ELOVL7: variants seen among roughly 807,000 people sequenced by gnomAD.
ELOVL7 encodes the protein very long chain fatty acid elongase 7.
A neutral mutation model predicts 35.7 loss-of-function variants in ELOVL7; 27 were observed. That is an observed-to-expected ratio of 0.76 (90% confidence interval 0.56 to 1.04). ELOVL7 has a LOEUF of 1.04. Among genes scored for constraint, ELOVL7 ranks in the 50% least tolerant of loss-of-function variants. The pLI is 0.00. For missense variants in ELOVL7, 327 were observed against 340.8 expected (o/e 0.96, Z 0.32); for synonymous variants, 113 against 114.6 (o/e 0.99, Z 0.09).
Position 60,836,436 on chromosome 5 carries a change from C to G in ELOVL7, c.-86+7724G>C, listed in dbSNP as rs544714520. 2.6e-5 allele frequency among the ~76,000 whole-genome samples: 4 copies of G among 152,154 alleles called. No homozygotes were observed. In the South Asian group the frequency reaches 8.3e-4, roughly 32 times the overall value. The stretch of plus-strand genomic sequence containing the variant: ...AGGATGAAGCTATCAGCTGTGCTTT[C>G]TAGCTAACTGAATGATAAGCAGCAA... On this transcript the variant is annotated intron_variant, in intron 1 of 8. Coordinates refer to ENST00000508821, the MANE Select transcript of ELOVL7 (RefSeq NM_024930.3).
chr5:60,752,965 T>G lies in ELOVL7; in HGVS notation c.*1659A>C, dbSNP rs576598701. The G allele has an allele frequency of 5.3e-5, 8 of 151,548 alleles. No individual in the cohort carries two copies. In the South Asian group the frequency reaches 1.2e-3, roughly 24 times the overall value. The allele number at this position is 151,548 out of a possible 1,614,324, so 9.4% of individuals were successfully genotyped here. On this transcript the variant is annotated 3_prime_UTR_variant, in exon 9 of 9. Coordinates refer to ENST00000508821, the MANE Select transcript of ELOVL7 (RefSeq NM_024930.3). ...CTTCAGAAAAAAAAATAATAAATTATATATATATATGTAATTACTCCCATT... is the reference window on the plus strand; with the variant it reads ...CTTCAGAAAAAAAAATAATAAATTAGATATATATATGTAATTACTCCCATT...
At chr5:60,837,205 G>A (rs1161661368) in intron 1 of ELOVL7, among the ~76,000 whole-genome samples, 3 of 149,284 alleles carry the variant, frequency 2.0e-5, no homozygotes, top group East Asian at 2.0e-4. Context: ...AGGCTGAGGC[G>A]GGCAGATCAC....
chr5:60,822,044 G>A (rs1464134725), intron 1 of ELOVL7, among the ~76,000 whole-genome samples: 1 of 152,240 alleles, frequency 6.6e-6, no homozygotes, highest in East Asian at 1.9e-4. Flanking sequence ...TTTTGGGAAT[G>A]TTGTTTGCTG....
At position 60,754,755 on chromosome 5, in the gene ELOVL7, CA is replaced by C; in HGVS notation, c.714del (p.Phe238LeufsTer6). On this transcript the variant is annotated frameshift_variant, in exon 9 of 9. Coordinates refer to ENST00000508821, the MANE Select transcript of ELOVL7 (RefSeq NM_024930.3). LOFTEE classifies it high-confidence loss of function. Reference protein sequence around the residue: ...MEDCKYQFPVFACIIMSYSFM... With the variant: ...MEDCKYQFPVXACIIMSYSFM... The stretch of plus-strand genomic sequence containing the variant: ...AAACTGTAACTCATAATGATGCACG[CA>C]AAGACTGGAAACTGATACTTGCAAT... 1 of 1,614,006 alleles carries C rather than the reference CA, an allele frequency of 6.2e-7. No individual in the cohort carries two copies. Among genetic ancestry groups the C allele is most frequent in the Non-Finnish European group, 8.5e-7 (1 of 1,180,000 alleles).
chr5:60,755,052 C>T (rs1054985096), intron 8 of ELOVL7, among the ~76,000 whole-genome samples: 10 of 152,058 alleles, frequency 6.6e-5, no homozygotes, highest in African/African-American at 1.9e-4. Context: ...ATTGCACAAC[C>T]GCAGGGTCTA....
At chr5:60,768,606 A>G in intron 4 of ELOVL7, 1 of 441,906 alleles carries the variant, frequency 2.3e-6, no homozygotes, top group South Asian at 1.6e-5. Context: ...TTGTTGATAA[A>G]TCTGAAGTGT....
chr5:60,754,950 C>T (rs1741448679), intron 8 of ELOVL7, 117 bp from the exon 9 acceptor site: 3 of 801,382 alleles, frequency 3.7e-6, no homozygotes, highest in Non-Finnish European at 3.9e-6. Flanking sequence ...CAAAGAAGTC[C>T]ATCTTTAAAT....
intron 3 of ELOVL7, among the ~76,000 whole-genome samples, chr5:60,774,767 T>C (rs1217046142): frequency 6.7e-6 from 1 of 149,846 alleles, no homozygotes; most frequent in African/African-American, 2.4e-5. Context: ...AAACTCTCTT[T>C]TTTTTTTTTT....
rs1043456703 is a variant in ELOVL7, at chr5:60,752,142, C to G, written c.*2482G>C. On this transcript the variant is annotated 3_prime_UTR_variant, in exon 9 of 9. Transcript: ENST00000508821. ...AGTGGGATGAAATCCCAAAGGAACT[C>G]TATGTGACCACACAGAACTCTTTTA... is the stretch of plus-strand genomic sequence containing the variant. 1.3e-5 allele frequency: 2 copies of G among 152,164 alleles called. No individual in the cohort carries two copies. Among genetic ancestry groups the G allele is most frequent in the African/African-American group, 4.8e-5 (2 of 41,438 alleles). The allele number at this position is 152,164 out of a possible 1,614,324, so 9.4% of individuals were successfully genotyped here. A position where few individuals can be genotyped will look rare whatever the true frequency, so the allele number is the denominator to read the frequency against.
At chr5:60,831,617 G>A (rs779863407) in intron 1 of ELOVL7, among the ~76,000 whole-genome samples, 14 of 152,246 alleles carry the variant, frequency 9.2e-5, no homozygotes, top group Non-Finnish European at 1.5e-4. Flanking sequence ...TCCACAATTC[G>A]TGAGTTATCA....
At chr5:60,784,598 T>C (rs1423031082) in intron 3 of ELOVL7, among the ~76,000 whole-genome samples, 2 of 152,178 alleles carry the variant, frequency 1.3e-5, no homozygotes, top group African/African-American at 4.8e-5. Context: ...TAAGTTTCCT[T>C]ACGCTACTCA....
chr5:60,829,424 A>C (rs1037920366), intron 1 of ELOVL7, among the ~76,000 whole-genome samples: 1 of 152,198 alleles, frequency 6.6e-6, no homozygotes, highest in Non-Finnish European at 1.5e-5. Flanking sequence ...ATATATTATT[A>C]ATATAGTCAA....
At chr5:60,827,056 A>G (rs564610427) in intron 1 of ELOVL7, among the ~76,000 whole-genome samples, 114 of 152,318 alleles carry the variant, frequency 7.5e-4, no homozygotes, top group African/African-American at 2.6e-3. Flanking sequence ...CATGTCTGCA[A>G]AAAACATCTC....
At chr5:60,782,398 A>C (rs1743309782) in intron 3 of ELOVL7, among the ~76,000 whole-genome samples, 1 of 152,204 alleles carries the variant, frequency 6.6e-6, no homozygotes, top group Non-Finnish European at 1.5e-5. Context: ...TCACTTCCAG[A>C]TATATATCCA....
chr5:60,761,956 C>T (rs147419589), intron 7 of ELOVL7, among the ~76,000 whole-genome samples: 6 of 151,958 alleles, frequency 3.9e-5, no homozygotes, highest in East Asian at 1.9e-4. Flanking sequence ...GAAGGGGGCT[C>T]GGTTAGTTTC....
At chr5:60,807,556 T>G (rs1439737649) in intron 1 of ELOVL7, among the ~76,000 whole-genome samples, 1 of 149,910 alleles carries the variant, frequency 6.7e-6, no homozygotes, top group Admixed American at 6.6e-5. Context: ...CTAGAAAACT[T>G]TACAAATAAA....
At chr5:60,834,456 T>C (rs1445423134) in intron 1 of ELOVL7, among the ~76,000 whole-genome samples, 2 of 152,200 alleles carry the variant, frequency 1.3e-5, no homozygotes, top group Non-Finnish European at 1.5e-5. Flanking sequence ...GTTCACATTA[T>C]TAAAATAAAC....
intron 2 of ELOVL7, among the ~76,000 whole-genome samples, chr5:60,793,188 G>A (rs1243006718): frequency 1.3e-5 from 2 of 152,214 alleles, no homozygotes; most frequent in African/African-American, 4.8e-5. Flanking sequence ...TCTCAATGCA[G>A]TAGTTAAAGA....
At position 60,791,665 on chromosome 5, in the gene ELOVL7, G is replaced by A. The variant is rs547914145; in HGVS notation, c.-34-4234C>T. Among the ~76,000 whole-genome samples, 3 of 152,250 alleles carry A rather than the reference G, an allele frequency of 2.0e-5. No individual in the cohort carries two copies. In the East Asian group the frequency reaches 5.8e-4, roughly 29 times the overall value. Reference sequence around the variant, plus strand: ...TTACTTTAAGAGCTAGCATATAACAGATTGTATGATTCTTCCCTTTATGTC... The same window carrying A: ...TTACTTTAAGAGCTAGCATATAACAAATTGTATGATTCTTCCCTTTATGTC... On this transcript the variant is annotated intron_variant, in intron 2 of 8. Transcript: ENST00000508821.
Sources: gnomAD v4.1 joint callset for allele counts (sites outside exome capture counted in the v4.1 genomes callset) on GRCh38, gnomAD v4.1.1 for gene constraint, MANE v1.5 for transcripts, NCBI Gene and HGNC (gene_info 2026-07-23, HGNC 2026-07-21) for gene names.